The following IFT140 variants were observed in gnomAD, a reference collection of about 807,000 sequenced individuals.
IFT140 encodes intraflagellar transport 140, also known as intraflagellar transport protein 140 homolog.
IFT140 carries 133 observed loss-of-function variants against 164.6 expected under a neutral mutation model. That is an observed-to-expected ratio of 0.81 (90% CI 0.70 to 0.93). The LOEUF (loss-of-function observed/expected upper bound fraction) is 0.93. Among genes scored for constraint, IFT140 ranks in the 40% least tolerant of loss-of-function variants. The pLI, the probability that IFT140 is intolerant of heterozygous loss-of-function variation, is 0.00. For synonymous variants in IFT140, 860 were observed against 817.3 expected, an observed-to-expected ratio of 1.05 and a Z score of -0.89; for missense variants, 2,045 against 1,972.3, an observed-to-expected ratio of 1.04 and a Z score of -0.70.
intron 27 of IFT140, 65 bp from the exon 28 acceptor site, chr16:1,520,408 C>T (rs2040485990): frequency 1.0e-5 from 16 of 1,536,336 alleles, no homozygotes; most frequent in Non-Finnish European, 1.3e-5. Flanking sequence ...CAAGGGACCC[C>T]GAGCAGGAGC....
intron 4 of IFT140, among the ~76,000 whole-genome samples, chr16:1,595,603 G>GAA (rs548658471): frequency 2.1e-4 from 17 of 82,498 alleles, no homozygotes; most frequent in East Asian, 5.7e-4. Flanking sequence ...CTCCATCTCA[G>GAA]AAAAAAAAAA....
intron 4 of IFT140, among the ~76,000 whole-genome samples, chr16:1,598,513 A>G (rs924072107): frequency 6.6e-6 from 1 of 152,218 alleles, no homozygotes; most frequent in African/African-American, 2.4e-5. Flanking sequence ...CCTTGATAGC[A>G]AGAGAAACAT....
chr16:1,568,702 C>T (rs1596380795), intron 14 of IFT140, among the ~76,000 whole-genome samples: 1 of 151,960 alleles, frequency 6.6e-6, no homozygotes, highest in African/African-American at 2.4e-5. Context: ...TGCAGTGAAC[C>T]GAGATCATGC....
chr16:1,541,651 A>G (rs1230061828), intron 19 of IFT140: 2 of 342,750 alleles, frequency 5.8e-6, no homozygotes, highest in Non-Finnish European at 8.2e-6. Flanking sequence ...GAAATAGCAG[A>G]GTAGGGCCCG....
intron 19 of IFT140, among the ~76,000 whole-genome samples, chr16:1,552,730 C>T (rs1377609205): frequency 6.8e-6 from 1 of 148,092 alleles, no homozygotes; most frequent in Non-Finnish European, 1.5e-5. Flanking sequence ...CTCACTGCAA[C>T]CTCCGCCTCT....
At chr16:1,588,908 G>T (rs976688200) in intron 7 of IFT140, among the ~76,000 whole-genome samples, 4 of 152,174 alleles carry the variant, frequency 2.6e-5, no homozygotes, top group Non-Finnish European at 5.9e-5. Context: ...CACCAGAGCT[G>T]GTGCTCCCTC....
chr16:1,589,916 G>T, intron 6 of IFT140, 136 bp from the exon 7 acceptor site: 1 of 764,890 alleles, frequency 1.3e-6, no homozygotes, highest in Non-Finnish European at 2.0e-6. Flanking sequence ...TTAAAAATGG[G>T]CCGGGCAAAG....
chr16:1,511,158 A>C lies in IFT140; in HGVS notation c.4183-8T>G. On this transcript the variant is annotated splice_polypyrimidine_tract_variant and splice_region_variant and intron_variant, in intron 30 of 30. Coordinates refer to ENST00000426508, the MANE Select transcript of IFT140 (RefSeq NM_014714.4). ...CTCCAGGAATCTGTAGGCCTGGGGCAGAGGAGCAGACATTACTCAGCTTTC... is the reference window on the plus strand; with the variant it reads ...CTCCAGGAATCTGTAGGCCTGGGGCCGAGGAGCAGACATTACTCAGCTTTC... 6.3e-7 allele frequency: 1 copy of C among 1,595,704 alleles called. No individual in the cohort carries two copies. Among genetic ancestry groups the C allele is most frequent in the Non-Finnish European group, 8.5e-7 (1 of 1,172,212 alleles).
At chr16:1,538,089 G>A (rs889120530) in intron 19 of IFT140, among the ~76,000 whole-genome samples, 2 of 152,210 alleles carry the variant, frequency 1.3e-5, no homozygotes, top group Non-Finnish European at 2.9e-5. Flanking sequence ...CCCAAGCAGT[G>A]AACGCCAGCT....
At chr16:1,582,339 A>G (rs192803620) in intron 12 of IFT140, among the ~76,000 whole-genome samples, 1 of 152,306 alleles carries the variant, frequency 6.6e-6, no homozygotes, top group Non-Finnish European at 1.5e-5. Context: ...CCAGAGAGAC[A>G]GAGACTGGAG....
In IFT140 at chr16:1,523,847, G is replaced by A. The variant is rs757199524; in HGVS notation, c.3251C>T (p.Ala1084Val). Reference sequence around the variant, plus strand: ...CCTCACCTTGTGGTACAGCATGACCGCCCTGTCCATCTGCACGCCCTTCTC... The same window carrying A: ...CCTCACCTTGTGGTACAGCATGACCACCCTGTCCATCTGCACGCCCTTCTC... ...YEEKGVQMDRAVMLYHKAGHF... is the reference protein window; with the variant it reads ...YEEKGVQMDRVVMLYHKAGHF... The change falls in exon 25 of 31, where the codon GCG (alanine) becomes GTG (valine). Residue 1084 changes from alanine (A) to valine (V), a missense_variant. Physicochemically the swap from Ala to Val is moderately conservative, Grantham distance 64. Coordinates refer to ENST00000426508, the MANE Select transcript of IFT140 (RefSeq NM_014714.4). 6.2e-6 allele frequency: 10 copies of A among 1,613,156 alleles called. No homozygotes were observed. The highest frequency in any genetic ancestry group is 2.7e-5 in the African/African-American group (2 of 75,056).
At chr16:1,598,100 G>GA (rs1467461456) in intron 4 of IFT140, among the ~76,000 whole-genome samples, 1 of 151,918 alleles carries the variant, frequency 6.6e-6, no homozygotes, top group African/African-American at 2.4e-5. Context: ...AAAAATGGAA[G>GA]AAAAATCATC....
In IFT140 at chr16:1,564,153, G is replaced by C; in HGVS notation, c.1911C>G (p.Leu637=). 6.4e-7 allele frequency: 1 copy of C among 1,572,132 alleles called. No homozygotes were observed. The highest frequency in any genetic ancestry group is 8.7e-7 in the Non-Finnish European group (1 of 1,150,430). Residue 637 remains leucine, a synonymous_variant, in exon 17 of 31, where the codon CTC becomes CTG. Coordinates refer to ENST00000426508, the MANE Select transcript of IFT140 (RefSeq NM_014714.4). This position sits in a 1 kb window ranked among gnomAD's most constrained non-coding sequence, Gnocchi z 5.5. ...AATTTTTCAGTCCCTCATCCACAAA[G>C]AGGTGGCTCCTAAAAGACAAAGGAA... ...FNEQETNKSH[L]FVDEGLKNYV... is the part of the protein sequence containing the mutation.
chr16:1,576,010 G>A (rs1454596843), intron 13 of IFT140, among the ~76,000 whole-genome samples: 1 of 152,172 alleles, frequency 6.6e-6, no homozygotes, highest in Non-Finnish European at 1.5e-5. Context: ...TAAAGGCCAG[G>A]CGCAGTGGCT....
intron 19 of IFT140, among the ~76,000 whole-genome samples, chr16:1,547,661 C>T (rs2032285848): frequency 6.6e-6 from 1 of 152,114 alleles, no homozygotes; most frequent in African/African-American, 2.4e-5. Context: ...CTCAGCCTCC[C>T]GAGTAGCTGG....
chr16:1,534,604 G>A lies in IFT140; in HGVS notation c.2400-7808C>T, dbSNP rs749212458. 3.1e-6 allele frequency: 5 copies of A among 1,597,560 alleles called. No individual in the cohort carries two copies. The East Asian group carries it at 1.1e-4, about 36-fold the overall frequency. On this transcript the variant is annotated intron_variant, in intron 19 of 30. Coordinates refer to ENST00000426508, the MANE Select transcript of IFT140 (RefSeq NM_014714.4). The stretch of plus-strand genomic sequence containing the variant: ...GCCTTCAGCGTGGCCGAGGCTCGAG[G>A]GCACATGGGAGATGTTAGGCGCGGA...
intron 13 of IFT140, among the ~76,000 whole-genome samples, chr16:1,575,457 G>A (rs1164975767): frequency 6.6e-6 from 1 of 152,056 alleles, no homozygotes; most frequent in Non-Finnish European, 1.5e-5. Context: ...GGAGGCTGAG[G>A]TGGGAGGATC....
chr16:1,576,897 G>C (rs766755779), intron 13 of IFT140: 17 of 152,170 alleles, frequency 1.1e-4, no homozygotes, highest in Non-Finnish European at 2.2e-4. Flanking sequence ...GCATTTCACA[G>C]CTGCCTCCTG....
chr16:1,577,921 G>C (rs1319433022), intron 13 of IFT140: 1 of 152,148 alleles, frequency 6.6e-6, no homozygotes, highest in Non-Finnish European at 1.5e-5. Flanking sequence ...AATGGGAGGA[G>C]TCAGAGAGGC....
Sources: gnomAD v4.1 joint callset for allele counts (sites outside exome capture counted in the v4.1 genomes callset) on GRCh38, gnomAD v4.1.1 for gene constraint, Gnocchi (gnomAD v3.1) non-coding constraint, MANE v1.5 for transcripts, NCBI Gene and HGNC (gene_info 2026-07-23, HGNC 2026-07-21) for gene names.